Variants in SLC24A4 observed in about 807,000 individuals in gnomAD.
The protein encoded by SLC24A4 is sodium/potassium/calcium exchanger 4.
SLC24A4 carries 53 observed loss-of-function variants against 79.0 expected under a neutral mutation model. The ratio of observed to expected loss-of-function variants is 0.67; its 90% CI spans 0.54 to 0.84. The LOEUF is 0.84. Ranked by LOEUF, SLC24A4 falls within the 40% of genes least tolerant of loss-of-function variation. SLC24A4 has a pLI of 0.00. For synonymous variants in SLC24A4, 323 were observed against 323.8 expected (o/e 1.00, Z 0.03); for missense variants, 731 against 822.0 (o/e 0.89, Z 1.35).
intron 16 of SLC24A4, chr14:92,492,863 G>A (rs565482592): frequency 1.1e-5 from 5 of 455,822 alleles, no homozygotes; most frequent in African/African-American, 1.0e-4. Context: ...GCCCCAGGAA[G>A]CCTTGATCGA....
At position 92,497,012 on chromosome 14, in the gene SLC24A4, G is replaced by T. The variant is rs1022727802; in HGVS notation, c.*3384G>T. 6.6e-6 allele frequency: 1 copy of T among 152,138 alleles called. No homozygotes were observed. Among genetic ancestry groups the T allele is most frequent in the Admixed American group, 6.6e-5 (1 of 15,264 alleles). The allele number at this position is 152,138 out of a possible 1,614,324, so 9.4% of individuals were successfully genotyped here. Reference sequence around the variant, plus strand: ...GACGGGTTTTCACCATGTTGGCCAGGCTGGTCTCAAACTCCTGACCTCAGG... The same window carrying T: ...GACGGGTTTTCACCATGTTGGCCAGTCTGGTCTCAAACTCCTGACCTCAGG... On this transcript the variant is annotated 3_prime_UTR_variant, in exon 17 of 17. Transcript: ENST00000532405.
chr14:92,363,106 T>C (rs905931164), intron 2 of SLC24A4, among the ~76,000 whole-genome samples: 23 of 152,214 alleles, frequency 1.5e-4, no homozygotes, highest in African/African-American at 5.5e-4. Flanking sequence ...TTCCAGTCAT[T>C]TGACTGCTTC....
chr14:92,480,268 T>C (rs1167544976), intron 12 of SLC24A4, among the ~76,000 whole-genome samples: 1 of 147,884 alleles, frequency 6.8e-6, no homozygotes, highest in Non-Finnish European at 1.5e-5. Context: ...GGTTTGGACA[T>C]TGATTTGAGA....
chr14:92,472,317 G>A (rs1237171949), intron 12 of SLC24A4, among the ~76,000 whole-genome samples: 1 of 152,046 alleles, frequency 6.6e-6, no homozygotes, highest in East Asian at 1.9e-4. Context: ...AAGTTCTTTA[G>A]TGGTGATTTG....
At chr14:92,464,114 G>A (rs989107742) in intron 12 of SLC24A4, among the ~76,000 whole-genome samples, 4 of 152,168 alleles carry the variant, frequency 2.6e-5, no homozygotes, top group African/African-American at 9.7e-5. Flanking sequence ...ACCAAATAGA[G>A]CATCGTAGAA....
chr14:92,411,139 G>A (rs981152745), intron 2 of SLC24A4, among the ~76,000 whole-genome samples: 3 of 152,164 alleles, frequency 2.0e-5, no homozygotes, highest in Non-Finnish European at 4.4e-5. Flanking sequence ...GAGGATGGGG[G>A]CTGGGACTCA....
chr14:92,423,894 T>A (rs978471821), intron 2 of SLC24A4, among the ~76,000 whole-genome samples: 1 of 152,198 alleles, frequency 6.6e-6, no homozygotes, highest in Non-Finnish European at 1.5e-5. Context: ...CTGGGTGACC[T>A]AAAACAACAG....
Position 92,492,232 on chromosome 14 carries a change from G to A in SLC24A4, c.1708G>A (p.Ala570Thr), listed in dbSNP as rs777737747. 3 of 1,614,014 alleles carry A rather than the reference G, an allele frequency of 1.9e-6. No individual in the cohort carries two copies. The highest frequency in any genetic ancestry group is 2.5e-6 in the Non-Finnish European group (3 of 1,179,926). ...CGTGGTCCTGTTGCTGGGCTCTGTC[G>A]CTCTCACCGTGAGTCTTTACAATTC... ...YSVVLLLGSV[A>T]LTVLGIHLNK... Residue 570 changes from alanine to threonine, a missense_variant, in exon 16 of 17, where the codon GCT becomes ACT. By Grantham distance (58) the Ala-to-Thr change is moderately conservative (BLOSUM62 0). Transcript: ENST00000532405.
intron 2 of SLC24A4, among the ~76,000 whole-genome samples, chr14:92,407,296 A>G (rs1455730218): frequency 6.6e-6 from 1 of 152,174 alleles, no homozygotes; most frequent in African/African-American, 2.4e-5. Context: ...AAACCATTCA[A>G]CAAGTCTCTT....
chr14:92,354,944 C>A (rs1887093704), intron 2 of SLC24A4, among the ~76,000 whole-genome samples: 1 of 152,130 alleles, frequency 6.6e-6, no homozygotes, highest in Non-Finnish European at 1.5e-5. Flanking sequence ...GATGGTGGTG[C>A]ACATCTGTGA....
chr14:92,463,873 A>G (rs1279460397), intron 12 of SLC24A4, among the ~76,000 whole-genome samples: 2 of 152,206 alleles, frequency 1.3e-5, no homozygotes, highest in South Asian at 2.1e-4. Flanking sequence ...TCGATTCTGA[A>G]TATTTCATAT....
In SLC24A4 at chr14:92,442,753, C is replaced by T. The variant is rs768955114; in HGVS notation, c.519C>T (p.Ile173=). Residue 173 remains isoleucine (I), a synonymous_variant, in exon 6 of 17, where the codon ATC becomes ATT. Transcript: ENST00000532405. ...ITHGDVGVGT[I]VGSAVFNILC... ...ATGGGGACGTCGGGGTGGGCACCATCGTGGGCTCTGCTGTGTTCAACATCC... is the reference window on the plus strand; with the variant it reads ...ATGGGGACGTCGGGGTGGGCACCATTGTGGGCTCTGCTGTGTTCAACATCC... 13 of 1,613,984 alleles carry T rather than the reference C, an allele frequency of 8.1e-6. No individual in the cohort carries two copies. Among genetic ancestry groups the T allele is most frequent in the Middle Eastern group, 1.6e-4 (1 of 6,082 alleles).
At chr14:92,417,325 AT>A (rs1396458272) in intron 2 of SLC24A4, among the ~76,000 whole-genome samples, 1 of 152,208 alleles carries the variant, frequency 6.6e-6, no homozygotes, top group East Asian at 1.9e-4. Flanking sequence ...TGATTTAAAA[AT>A]TTAAAAAGTT....
At chr14:92,461,243 AG>A (rs1170059504) in intron 12 of SLC24A4, among the ~76,000 whole-genome samples, 1 of 152,220 alleles carries the variant, frequency 6.6e-6, no homozygotes, top group East Asian at 1.9e-4. Context: ...TGTTCTTACC[AG>A]GACGCTGGCC....
At chr14:92,346,648 A>T (rs1297570166) in intron 2 of SLC24A4, among the ~76,000 whole-genome samples, 1 of 152,190 alleles carries the variant, frequency 6.6e-6, no homozygotes, top group Non-Finnish European at 1.5e-5. Context: ...GTGAAAAGGG[A>T]AAATGATGAT....
At chr14:92,428,682 G>A (rs1436441065) in intron 2 of SLC24A4, among the ~76,000 whole-genome samples, 2 of 152,210 alleles carry the variant, frequency 1.3e-5, no homozygotes, top group East Asian at 1.9e-4. Flanking sequence ...AGCTGGATGT[G>A]GAGATTAAAA....
chr14:92,465,723 G>A (rs1305808152), intron 12 of SLC24A4, among the ~76,000 whole-genome samples: 1 of 152,004 alleles, frequency 6.6e-6, no homozygotes, highest in Non-Finnish European at 1.5e-5. Context: ...CCAAGCCAAG[G>A]CTGCCTCCCC....
At chr14:92,367,463 G>A (rs1887914116) in intron 2 of SLC24A4, among the ~76,000 whole-genome samples, 1 of 152,242 alleles carries the variant, frequency 6.6e-6, no homozygotes, top group Admixed American at 6.5e-5. Flanking sequence ...AGTTGGCAGA[G>A]CCATGGAGTC....
At chr14:92,417,396 G>A (rs1157022287) in intron 2 of SLC24A4, among the ~76,000 whole-genome samples, 1 of 152,112 alleles carries the variant, frequency 6.6e-6, no homozygotes, top group African/African-American at 2.4e-5. Context: ...TTTTTGCAGG[G>A]CTGTAGAATG....
Sources: gnomAD v4.1 joint callset for allele counts (sites outside exome capture counted in the v4.1 genomes callset) on GRCh38, gnomAD v4.1.1 for gene constraint, MANE v1.5 for transcripts, NCBI Gene and HGNC (gene_info 2026-07-23, HGNC 2026-07-21) for gene names.